ATP10B: variants seen among roughly 807,000 people sequenced by gnomAD.
The protein encoded by ATP10B is phospholipid-transporting ATPase VB.
In ATP10B, 122 loss-of-function variants were observed where a neutral mutation model predicts 141.2. The ratio of observed to expected loss-of-function variants is 0.86; its 90% CI spans 0.75 to 1.00. The LOEUF (loss-of-function observed/expected upper bound fraction) is 1.00, where lower values mean the gene tolerates loss of function less well. ATP10B is among the 50% of genes least tolerant of loss of function. The probability of loss-of-function intolerance (pLI) is 0.00; values close to 1 mark genes in which losing one functional copy is unlikely to be tolerated. For missense variants in ATP10B, 1,876 were observed against 1,825.3 expected (o/e 1.03, Z -0.51); for synonymous variants, 685 against 692.0 (o/e 0.99, Z 0.16).
intron 25 of ATP10B, among the ~76,000 whole-genome samples, chr5:160,567,872 C>T (rs2127592681): frequency 6.6e-6 from 1 of 152,152 alleles, no homozygotes; most frequent in Non-Finnish European, 1.5e-5. Flanking sequence ...TAGGAGACTA[C>T]CGAAATAATT....
intron 6 of ATP10B, 120 bp downstream of exon 6, chr5:160,685,959 A>G (rs923671541): frequency 2.4e-6 from 2 of 848,506 alleles, no homozygotes; most frequent in Non-Finnish European, 3.4e-6. Flanking sequence ...CCCCCTTGAG[A>G]ATCAGTGAAT....
upstream of ATP10B, among the ~76,000 whole-genome samples, chr5:160,856,435 C>CA (rs935886682): frequency 6.6e-6 from 1 of 151,776 alleles, no homozygotes; most frequent in African/African-American, 2.4e-5. Flanking sequence ...CAAAGACAAT[C>CA]ATGTCACCTG....
At chr5:160,651,005 A>G (rs1760693200) in intron 7 of ATP10B, among the ~76,000 whole-genome samples, 2 of 152,212 alleles carry the variant, frequency 1.3e-5, no homozygotes, top group African/African-American at 4.8e-5. Flanking sequence ...TGTTATAAAA[A>G]TGCTGTGAAA....
chr5:160,693,886 C>T (rs1764221103), intron 3 of ATP10B, among the ~76,000 whole-genome samples: 1 of 152,198 alleles, frequency 6.6e-6, no homozygotes, highest in African/African-American at 2.4e-5. Flanking sequence ...GCATGGTTCC[C>T]AACAGGCCAT....
chr5:160,873,123 G>GTTTTTTTTTTT, the ATP10B span, among the ~76,000 whole-genome samples: 1 of 91,592 alleles, frequency 1.1e-5, no homozygotes, highest in Non-Finnish European at 2.5e-5. Context: ...GGTTTTTTTT[G>GTTTTTTTTTTT]TTTTTTTTTT....
intron 2 of ATP10B, among the ~76,000 whole-genome samples, chr5:160,779,032 G>A (rs1354283199): frequency 6.6e-6 from 1 of 152,186 alleles, no homozygotes; most frequent in East Asian, 1.9e-4. Flanking sequence ...AAGGGAGAAT[G>A]ATCAGAGAAT....
intron 13 of ATP10B, among the ~76,000 whole-genome samples, chr5:160,630,026 C>T (rs75224478): frequency 6.6e-6 from 1 of 152,306 alleles, no homozygotes; most frequent in East Asian, 1.9e-4. Flanking sequence ...CCAGAACCTC[C>T]ATTTCCTAAC....
At chr5:160,914,121 ATGTG>A in the ATP10B span, among the ~76,000 whole-genome samples, 478 of 152,346 alleles carry the variant, frequency 3.1e-3, 4 homozygotes, top group African/African-American at 0.011. Context: ...ATGTCTACAT[ATGTG>A]TGTGTTTATA....
intron 15 of ATP10B, among the ~76,000 whole-genome samples, chr5:160,618,443 T>C (rs1236324339): frequency 6.6e-6 from 1 of 152,190 alleles, no homozygotes; most frequent in Non-Finnish European, 1.5e-5. Context: ...TATCTTCTAC[T>C]TGAGGTCTTA....
chr5:160,680,531 A>C (rs1229214580), intron 6 of ATP10B, among the ~76,000 whole-genome samples: 3 of 152,246 alleles, frequency 2.0e-5, no homozygotes, highest in African/African-American at 7.2e-5. Flanking sequence ...CAAGATGTGT[A>C]TATTCCTGCT....
intron 2 of ATP10B, among the ~76,000 whole-genome samples, chr5:160,781,975 C>A (rs1193626772): frequency 6.6e-6 from 1 of 151,926 alleles, no homozygotes; most frequent in East Asian, 1.9e-4. Context: ...TAGAGTAATG[C>A]CTAAAATTGT....
intron 9 of ATP10B, among the ~76,000 whole-genome samples, chr5:160,642,919 C>T (rs908932800): frequency 6.6e-6 from 1 of 152,234 alleles, no homozygotes; most frequent in Admixed American, 6.5e-5. Context: ...ACCTTATATA[C>T]CACTCCCATC....
intron 15 of ATP10B, among the ~76,000 whole-genome samples, chr5:160,618,864 A>AT (rs11357294): frequency 6.6e-6 from 1 of 152,004 alleles, no homozygotes; most frequent in East Asian, 1.9e-4. Context: ...CTGGATTGAG[A>AT]TTTTTTAAAG....
At chr5:160,649,466 G>A (rs997294309) in intron 7 of ATP10B, among the ~76,000 whole-genome samples, 4 of 152,248 alleles carry the variant, frequency 2.6e-5, no homozygotes, top group Non-Finnish European at 1.5e-5. Context: ...ATGCAGGGCA[G>A]AGGGAGGTGA....
At chr5:160,648,924 A>C (rs897796537) in intron 8 of ATP10B, among the ~76,000 whole-genome samples, 127 of 105,912 alleles carry the variant, frequency 1.2e-3, no homozygotes, top group African/African-American at 4.3e-3. Context: ...TATTTTACTA[A>C]GGTTTTTTTT....
At chr5:160,806,147 C>T (rs72820516) in intron 1 of ATP10B, among the ~76,000 whole-genome samples, 1,906 of 152,296 alleles carry the variant, frequency 0.013, 18 homozygotes, top group Non-Finnish European at 0.02. Context: ...TCCACCAGTT[C>T]AAATGTTAAT....
At chr5:160,892,782 T>C in the ATP10B span, among the ~76,000 whole-genome samples, 8 of 152,120 alleles carry the variant, frequency 5.3e-5, no homozygotes, top group Non-Finnish European at 1.2e-4. Flanking sequence ...ACAGATCCAG[T>C]GTGCAGCTCC....
chr5:160,650,529 C>T (rs950006042), intron 7 of ATP10B, among the ~76,000 whole-genome samples: 1 of 152,112 alleles, frequency 6.6e-6, no homozygotes, highest in African/African-American at 2.4e-5. Flanking sequence ...CCCCAGGCCT[C>T]CACAAACAAG....
chr5:160,847,365 A>C (rs528701593), intron 1 of ATP10B, among the ~76,000 whole-genome samples: 2 of 152,332 alleles, frequency 1.3e-5, no homozygotes, highest in South Asian at 4.1e-4. Flanking sequence ...CAGATTCACA[A>C]GCATATTGTA....
Sources: gnomAD v4.1 joint callset for allele counts (sites outside exome capture counted in the v4.1 genomes callset) on GRCh38, gnomAD v4.1.1 for gene constraint, MANE v1.5 for transcripts, NCBI Gene and HGNC (gene_info 2026-07-23, HGNC 2026-07-21) for gene names.